Variants in PPP2R3B observed in about 807,000 individuals in gnomAD.
PPP2R3B encodes protein phosphatase 2 regulatory subunit B''beta, also known as serine/threonine-protein phosphatase 2A regulatory subunit B'' subunit beta.
Under a neutral mutation model 72.9 loss-of-function variants are expected in PPP2R3B, and 68 were observed. That is an observed-to-expected ratio of 0.93 (90% CI 0.77 to 1.14). The LOEUF (loss-of-function observed/expected upper bound fraction) is 1.14, where lower values mean the gene tolerates loss of function less well. Ranked by LOEUF, PPP2R3B falls within the 50% of genes most tolerant of loss-of-function variation. The pLI is 0.00. For synonymous variants in PPP2R3B, 466 were observed against 375.8 expected (o/e 1.24, Z -2.78); for missense variants, 1,018 against 842.0 (o/e 1.21, Z -2.59).
chrX:376,319 C>G (rs2071992270), intron 1 of PPP2R3B, among the ~76,000 whole-genome samples: 1 of 151,974 alleles, frequency 6.6e-6, no homozygotes, highest in Non-Finnish European at 1.5e-5. Context: ...CCCACTGCCC[C>G]CCTGGAGCCC....
chrX:335,385 T>A (rs962205228), intron 12 of PPP2R3B: 1 of 152,266 alleles, frequency 6.6e-6, no homozygotes, highest in Non-Finnish European at 1.5e-5. Context: ...GACCCAGAGG[T>A]TGGCTGCCAG....
rs760029060 is a variant in PPP2R3B, at chrX:346,238, G to C, written c.815C>G (p.Ala272Gly). ...CCTGCCGGACCAGGACCGGTTCACG[G>C]CGTAGAAGATCCGCTGGATGACCTG... ...ITTVIQRIFY[A>G]VNRSWSGRIT... Residue 272 changes from alanine to glycine, a missense_variant, in exon 6 of 13, where the codon GCC becomes GGC. Physicochemically the swap from Ala to Gly is moderately conservative, Grantham distance 60. Transcript: ENST00000390665. The C allele has an allele frequency of 6.4e-7, 1 of 1,571,964 alleles. No homozygotes were observed. The highest frequency in any genetic ancestry group is 1.4e-5 in the African/African-American group (1 of 73,888).
At chrX:342,055 A>C in intron 7 of PPP2R3B, 124 bp from the exon 8 acceptor site, 1 of 1,294,754 alleles carries the variant, frequency 7.7e-7, no homozygotes, top group Non-Finnish European at 1.1e-6. Context: ...GGTCTGGGAG[A>C]GCCCCGGGGC....
intron 1 of PPP2R3B, among the ~76,000 whole-genome samples, chrX:380,840 C>A (rs1471091164): frequency 1.3e-5 from 2 of 148,846 alleles, no homozygotes; most frequent in African/African-American, 4.9e-5. Flanking sequence ...GTTCTTAATT[C>A]CCCTTGTAAG....
intron 2 of PPP2R3B, among the ~76,000 whole-genome samples, chrX:356,883 C>T (rs1168498614): frequency 1.2e-5 from 1 of 85,770 alleles, no homozygotes; most frequent in Non-Finnish European, 2.3e-5. Flanking sequence ...GTATCCACAC[C>T]CCGCCAGCCA....
chrX:372,130 C>T (rs1343850359), intron 1 of PPP2R3B, among the ~76,000 whole-genome samples: 1 of 152,136 alleles, frequency 6.6e-6, no homozygotes, highest in Non-Finnish European at 1.5e-5. Context: ...CCCGCACCGC[C>T]CAGCACCTCC....
chrX:340,332 T>G (rs2071025660), intron 10 of PPP2R3B, among the ~76,000 whole-genome samples: 1 of 150,058 alleles, frequency 6.7e-6, no homozygotes, highest in Admixed American at 6.6e-5. Context: ...CCTCGGGGGG[T>G]GTCGACGCCC....
Position 361,603 on chromosome X carries a change from C to CA in PPP2R3B, c.325-14dup, listed in dbSNP as rs773591528. 1.2e-6 allele frequency: 2 copies of CA among 1,613,214 alleles called. No homozygotes were observed. The highest frequency in any genetic ancestry group is 1.7e-6 in the Non-Finnish European group (2 of 1,179,284). ...TCCGTGTCTGAACCTGAAGAGTCGA[C>CA]AGACAGCGCTCAGTTAGAACCTGGG... On this transcript the variant is annotated splice_polypyrimidine_tract_variant and intron_variant, in intron 1 of 12. Coordinates refer to ENST00000390665, the MANE Select transcript of PPP2R3B (RefSeq NM_013239.5).
At chrX:338,939 C>T in intron 10 of PPP2R3B, 43 bp from the exon 11 acceptor site, 1 of 1,543,796 alleles carries the variant, frequency 6.5e-7, no homozygotes, top group South Asian at 1.1e-5. Context: ...AGCCCGGTCT[C>T]ACCTTCGGGG....
chrX:340,400 A>T (rs1239113598), intron 10 of PPP2R3B, among the ~76,000 whole-genome samples: 4 of 151,364 alleles, frequency 2.6e-5, no homozygotes, highest in Admixed American at 6.6e-5. Flanking sequence ...CCCTCCTCAC[A>T]AACTCAGTAG....
intron 7 of PPP2R3B, 152 bp downstream of exon 7, chrX:345,364 G>A: frequency 9.1e-7 from 1 of 1,094,058 alleles, no homozygotes; most frequent in Non-Finnish European, 1.4e-6. Context: ...AGGAGAGGCA[G>A]CTGCAGACAC....
In PPP2R3B at chrX:366,837, T is replaced by C. The variant is rs1192429625; in HGVS notation, c.325-5247A>G. Among the ~76,000 whole-genome samples, 6 of 140,468 alleles carry C rather than the reference T, an allele frequency of 4.3e-5. No homozygotes were observed. The South Asian group carries it at 6.9e-4, about 16-fold the overall frequency. 92.2% of individuals were successfully genotyped at this position (140,468 alleles called of 152,430 possible). On this transcript the variant is annotated intron_variant, in intron 1 of 12. Coordinates refer to ENST00000390665, the MANE Select transcript of PPP2R3B (RefSeq NM_013239.5). ...GAGATCGCACTACTGCACTCCAGCC[T>C]GGGCGACAGAGTGAGACTCTGTCTC...
intron 12 of PPP2R3B, chrX:337,030 C>T (rs933693300): frequency 5.9e-5 from 9 of 152,108 alleles, no homozygotes; most frequent in African/African-American, 2.2e-4. Flanking sequence ...TCTTGGCTCA[C>T]TGCAACCTGC....
intron 2 of PPP2R3B, among the ~76,000 whole-genome samples, chrX:352,014 G>A (rs977389183): frequency 6.6e-5 from 10 of 152,172 alleles, no homozygotes; most frequent in Non-Finnish European, 1.3e-4. Flanking sequence ...CCCGGCGTCT[G>A]GGGGATGAGA....
At chrX:374,651 C>T (rs5987281) in intron 1 of PPP2R3B, among the ~76,000 whole-genome samples, 17,571 of 152,142 alleles carry the variant, frequency 0.12, 1,042 homozygotes, top group African/African-American at 0.15. Context: ...ACATCCCTGC[C>T]AGGCTGAACG....
chrX:348,601 C>T (rs754298256), intron 2 of PPP2R3B, among the ~76,000 whole-genome samples: 5 of 143,376 alleles, frequency 3.5e-5, no homozygotes, highest in African/African-American at 1.3e-4. Context: ...ACAGATTAGC[C>T]ATGTCAGCTG....
Position 346,694 on chromosome X carries a change from G to A in PPP2R3B, c.792+7C>T, listed in dbSNP as rs747966120. On this transcript the variant is annotated splice_region_variant and intron_variant, in intron 5 of 12. Transcript: ENST00000390665. ...TGGAACCGACGGCCCCTCCGCTGGG[G>A]ACCCACCGTGGTGATGTAGCGCGAG... 14 of 1,605,172 alleles carry A rather than the reference G, an allele frequency of 8.7e-6. No individual in the cohort carries two copies. Among genetic ancestry groups the A allele is most frequent in the African/African-American group, 1.3e-5 (1 of 74,756 alleles).
intron 1 of PPP2R3B, among the ~76,000 whole-genome samples, chrX:383,867 A>AAAAAAT (rs2072183640): frequency 7.2e-6 from 1 of 138,452 alleles, no homozygotes; most frequent in Non-Finnish European, 1.6e-5. Flanking sequence ...AAAAAAAAAA[A>AAAAAAT]CCAAAAAAAC....
intron 10 of PPP2R3B, among the ~76,000 whole-genome samples, 170 bp from the exon 11 acceptor site, chrX:339,066 G>A (rs1364926989): frequency 1.3e-5 from 2 of 152,122 alleles, no homozygotes; most frequent in African/African-American, 4.8e-5. Flanking sequence ...CCTGGTTCTG[G>A]GTGGGGACTG....
Sources: allele counts gnomAD v4.1 joint callset (sites outside exome capture counted in the v4.1 genomes callset), GRCh38; gene constraint gnomAD v4.1.1; transcripts MANE v1.5; gene names NCBI Gene and HGNC (gene_info 2026-07-23, HGNC 2026-07-21).